The following FAM184A variants were observed in gnomAD, a reference collection of about 807,000 sequenced individuals.
The protein encoded by FAM184A is family with sequence similarity 184 member A, also known as protein FAM184A.
FAM184A carries 99 observed loss-of-function variants against 143.8 expected under a neutral mutation model. The ratio of observed to expected loss-of-function variants is 0.69; its 90% confidence interval spans 0.58 to 0.81. The LOEUF is 0.81. Ranked by LOEUF, FAM184A falls within the 40% of genes least tolerant of loss-of-function variation. The pLI is 0.00. For missense variants in FAM184A, 1,217 were observed against 1,310.5 expected, an observed-to-expected ratio of 0.93 and a Z score of 1.10; for synonymous variants, 427 against 446.4, an observed-to-expected ratio of 0.96 and a Z score of 0.55.
intron 9 of FAM184A, among the ~76,000 whole-genome samples, chr6:118,988,963 T>TTC: frequency 6.7e-6 from 1 of 148,192 alleles, no homozygotes; most frequent in East Asian, 2.0e-4. Flanking sequence ...GATTTTTTTT[T>TTC]TTTTTTTTTT....
rs1325934019 is a variant in FAM184A at position 119,011,445 on chromosome 6, A to ATT, written c.1531-16_1531-15dup. 6.9e-7 allele frequency: 1 copy of ATT among 1,453,202 alleles called. No homozygotes were observed. Among genetic ancestry groups the ATT allele is most frequent in the Non-Finnish European group, 9.4e-7 (1 of 1,067,354 alleles). 90.0% of individuals were successfully genotyped at this position (1,453,202 alleles called of 1,614,324 possible). On this transcript the variant is annotated splice_polypyrimidine_tract_variant and intron_variant, in intron 5 of 17. Transcript: ENST00000338891. ...TTCTTCCAAATCCTTAGAAAAAGAA[A>ATT]TTTTTTAAAAATTAACAAAATTGCA...
intron 1 of FAM184A, among the ~76,000 whole-genome samples, chr6:119,124,446 C>A (rs1477892082): frequency 6.6e-6 from 1 of 152,224 alleles, no homozygotes; most frequent in South Asian, 2.1e-4. Flanking sequence ...ATAACTATCC[C>A]ATTGGCTTTA....
rs141992707 is a variant in FAM184A at position 118,960,673 on chromosome 6, A to G, written c.3342-489T>C. ...CCAGGAAAGGGAGAACACTAAAAAT[A>G]TAATTTCCCCCGTTATTGATGTTAT... On this transcript the variant is annotated intron_variant, in intron 17 of 17. Coordinates refer to ENST00000338891, the MANE Select transcript of FAM184A (RefSeq NM_024581.6). The G allele has an allele frequency of 8.7e-4, 441 of 508,206 alleles. 9 individuals are homozygous for G. The East Asian group carries it at 0.025, about 28-fold the overall frequency. The allele number at this position is 508,206 out of a possible 1,614,324, so 31.5% of individuals were successfully genotyped here.
chr6:119,046,806 T>C (rs559767449), intron 1 of FAM184A, among the ~76,000 whole-genome samples: 1 of 152,298 alleles, frequency 6.6e-6, no homozygotes, highest in Non-Finnish European at 1.5e-5. Context: ...TGGTATATCA[T>C]AGCATCCACA....
chr6:119,034,019 A>AATATAT (rs1166841690), intron 1 of FAM184A, among the ~76,000 whole-genome samples: 62 of 63,520 alleles, frequency 9.8e-4, no homozygotes, highest in African/African-American at 1.8e-3. Flanking sequence ...AAAAAAAAAA[A>AATATAT]ATATATATAT....
rs573863413 is a variant in FAM184A, at chr6:119,086,105, C to T, written c.-201-61292G>A. Among the ~76,000 whole-genome samples the T allele has an allele frequency of 5.3e-5, 8 of 152,236 alleles. No homozygotes were observed. In the South Asian group the frequency reaches 1.5e-3, roughly 28 times the overall value. On this transcript the variant is annotated intron_variant, in intron 1 of 16. Coordinates refer to the FAM184A transcript ENST00000352896. ...CCATATCACACCCATAATCCCATCA[C>T]CCAAACCTCACTTTTAAAAAAATCT...
intron 1 of FAM184A, among the ~76,000 whole-genome samples, chr6:119,134,680 TAAA>T (rs942067847): frequency 1.5e-5 from 2 of 136,568 alleles, no homozygotes; most frequent in Admixed American, 1.4e-4. Flanking sequence ...GAGAAAGAAA[TAAA>T]AAAAGAAAAA....
chr6:119,142,263 G>A (rs573663864), intron 1 of FAM184A, among the ~76,000 whole-genome samples: 2 of 152,232 alleles, frequency 1.3e-5, no homozygotes, highest in East Asian at 1.9e-4. Context: ...TGAGTCGGCC[G>A]GGAAAGGACG....
intron 1 of FAM184A, among the ~76,000 whole-genome samples, chr6:119,119,552 T>C (rs1188267382): frequency 6.6e-6 from 1 of 152,206 alleles, no homozygotes; most frequent in Non-Finnish European, 1.5e-5. Context: ...TGTAATAAGA[T>C]GGCATACTTT....
chr6:118,980,991 T>C (rs1292954423), intron 9 of FAM184A, among the ~76,000 whole-genome samples: 2 of 152,234 alleles, frequency 1.3e-5, no homozygotes, highest in African/African-American at 2.4e-5. Context: ...CTCAAAGTTA[T>C]TGAAAACCTT....
chr6:119,137,320 CAGAG>C (rs59224158), intron 1 of FAM184A, among the ~76,000 whole-genome samples: 55,202 of 151,444 alleles, frequency 0.36, 11,846 homozygotes, highest in Non-Finnish European at 0.47. Flanking sequence ...TAGAGAGAGA[CAGAG>C]AGAGAGAAGA....
intron 13 of FAM184A, 140 bp downstream of exon 13, chr6:118,974,884 A>C (rs1783801258): frequency 1.6e-6 from 1 of 630,212 alleles, no homozygotes; most frequent in Non-Finnish European, 2.7e-6. Flanking sequence ...TAACATAGTC[A>C]TCAAATAAAG....
chr6:118,994,661 G>A (rs1300324302), intron 9 of FAM184A, among the ~76,000 whole-genome samples: 1 of 150,328 alleles, frequency 6.7e-6, no homozygotes, highest in Non-Finnish European at 1.5e-5. Context: ...ACTCCAGCCT[G>A]GGCAACAGAG....
chr6:119,085,051 T>C (rs1483640295), intron 1 of FAM184A, among the ~76,000 whole-genome samples: 1 of 152,238 alleles, frequency 6.6e-6, no homozygotes, highest in Non-Finnish European at 1.5e-5. Context: ...TTGGAGGCCT[T>C]CTGCCCATTG....
chr6:119,019,947 C>T (rs369537785), intron 4 of FAM184A, 31 bp downstream of exon 4: 32 of 1,479,156 alleles, frequency 2.2e-5, no homozygotes, highest in African/African-American at 4.3e-5. Context: ...GGAACTCTTT[C>T]GGGGGGAATG....
intron 1 of FAM184A, among the ~76,000 whole-genome samples, chr6:119,086,559 G>C (rs927724745): frequency 1.3e-5 from 2 of 152,268 alleles, no homozygotes; most frequent in East Asian, 1.9e-4. Flanking sequence ...GATTAGATGA[G>C]AGCATGACCT....
chr6:119,076,056 C>A (rs771481420), intron 1 of FAM184A, among the ~76,000 whole-genome samples: 3 of 152,054 alleles, frequency 2.0e-5, no homozygotes, highest in Non-Finnish European at 4.4e-5. Flanking sequence ...AACTACCCTG[C>A]CCGCTCCTGG....
chr6:119,101,071 T>TTC (rs1266372659), intron 1 of FAM184A, among the ~76,000 whole-genome samples: 3 of 149,000 alleles, frequency 2.0e-5, no homozygotes, highest in East Asian at 3.9e-4. Flanking sequence ...TGCACTTTCT[T>TTC]TTTTTTTTTT....
chr6:119,148,446 C>T (rs1582657488), intron 1 of FAM184A, among the ~76,000 whole-genome samples: 1 of 152,178 alleles, frequency 6.6e-6, no homozygotes, highest in African/African-American at 2.4e-5. Context: ...GGCCCTAACC[C>T]CCACTGGGTA....
Sources: gnomAD v4.1 joint callset for allele counts (sites outside exome capture counted in the v4.1 genomes callset) on GRCh38, gnomAD v4.1.1 for gene constraint, MANE v1.5 for transcripts, NCBI Gene and HGNC (gene_info 2026-07-23, HGNC 2026-07-21) for gene names.